TM9SF4: variants seen among roughly 807,000 people sequenced by gnomAD.
TM9SF4 encodes dinucleotide oxidase disulfide thiol exchanger 3 superfamily member 4.
Under a neutral mutation model 90.4 loss-of-function variants are expected in TM9SF4, and 26 were observed. That is an observed-to-expected ratio of 0.29 (90% confidence interval 0.21 to 0.40). TM9SF4 has a LOEUF of 0.40. Ranked by LOEUF, TM9SF4 falls within the 10% of genes least tolerant of loss-of-function variation. The pLI is 1.00. For missense variants in TM9SF4, 549 were observed against 834.8 expected (o/e 0.66, Z 4.22); for synonymous variants, 293 against 315.4 (o/e 0.93, Z 0.75).
intron 1 of TM9SF4, among the ~76,000 whole-genome samples, chr20:32,126,846 C>T (rs1423683305): frequency 6.6e-6 from 1 of 152,050 alleles, no homozygotes; most frequent in African/African-American, 2.4e-5. Context: ...AGCAATTCTC[C>T]TGCCTCAGCC....
At chr20:32,157,764 C>T (rs746848041) in intron 13 of TM9SF4, 30 bp from the exon 14 acceptor site, 321 of 1,611,142 alleles carry the variant, frequency 2.0e-4, no homozygotes, top group Non-Finnish European at 2.6e-4. Context: ...ATCAGGGCCT[C>T]GTGGGGGCCT....
intron 1 of TM9SF4, among the ~76,000 whole-genome samples, chr20:32,129,728 G>A (rs2046483509): frequency 6.6e-6 from 1 of 151,854 alleles, no homozygotes; most frequent in Non-Finnish European, 1.5e-5. Context: ...GGGATTACAG[G>A]CATCTGCCAC....
intron 3 of TM9SF4, among the ~76,000 whole-genome samples, chr20:32,136,470 T>G (rs891418839): frequency 6.6e-6 from 1 of 152,186 alleles, no homozygotes; most frequent in African/African-American, 2.4e-5. Flanking sequence ...TCTTCAGACT[T>G]GGAGCACTTG....
chr20:32,157,937 C>T lies in TM9SF4; in HGVS notation c.1473C>T (p.Pro491=), dbSNP rs199876422. The T allele has an allele frequency of 7.5e-5, 121 of 1,613,982 alleles. No homozygotes were observed. In the South Asian group the frequency reaches 1.1e-3, roughly 15 times the overall value. The change falls in exon 14 of 18, where the codon CCC becomes CCT. Residue 491 remains proline (P), a synonymous_variant. Transcript: ENST00000398022. ...CCAACCAGATTCCCCGGCAGATCCC[C>T]GAGCAGCGGTGGTACATGAACCGAT... ...VRTNQIPRQI[P]EQRWYMNRFV...
At chr20:32,146,737 T>C in intron 8 of TM9SF4, 48 bp from the exon 9 acceptor site, 1 of 1,589,908 alleles carries the variant, frequency 6.3e-7, no homozygotes, top group African/African-American at 1.3e-5. Flanking sequence ...GAGCATGGGC[T>C]TGCTGGCAGC....
intron 1 of TM9SF4, chr20:32,110,127 A>C: frequency 2.9e-6 from 3 of 1,049,654 alleles, no homozygotes; most frequent in Non-Finnish European, 3.6e-6. Context: ...CCTCCCCGTC[A>C]CGTCCAGACC....
At chr20:32,122,921 C>T (rs1223024695) in intron 1 of TM9SF4, among the ~76,000 whole-genome samples, 3 of 151,888 alleles carry the variant, frequency 2.0e-5, no homozygotes, top group Non-Finnish European at 4.4e-5. Context: ...AATCCCGGCA[C>T]CTCGGGAGGC....
intron 1 of TM9SF4, among the ~76,000 whole-genome samples, chr20:32,115,753 T>G (rs1490879066): frequency 6.6e-6 from 1 of 151,712 alleles, no homozygotes; most frequent in Non-Finnish European, 1.5e-5. Context: ...TAAGCCTCAA[T>G]TACCTTATAT....
intron 1 of TM9SF4, among the ~76,000 whole-genome samples, chr20:32,110,847 C>T (rs1279775927): frequency 2.6e-5 from 4 of 152,174 alleles, no homozygotes; most frequent in Admixed American, 6.5e-5. Context: ...AGTTCAAATT[C>T]TGCTTGTCAA....
intron 13 of TM9SF4, among the ~76,000 whole-genome samples, chr20:32,156,539 C>A (rs2046923592): frequency 6.6e-6 from 1 of 152,210 alleles, no homozygotes; most frequent in African/African-American, 2.4e-5. Context: ...CTTAAAATAC[C>A]TAATACAATG....
chr20:32,131,544 G>A (rs956288498), intron 1 of TM9SF4, among the ~76,000 whole-genome samples: 5 of 151,892 alleles, frequency 3.3e-5, no homozygotes, highest in African/African-American at 9.7e-5. Flanking sequence ...TGGATGGGGT[G>A]TAACTTGATG....
Position 32,109,717 on chromosome 20 carries a change from A to T in TM9SF4, c.-24A>T, listed in dbSNP as rs373399551. On this transcript the variant is annotated 5_prime_UTR_variant, in exon 1 of 18. Coordinates refer to ENST00000398022, the MANE Select transcript of TM9SF4 (RefSeq NM_014742.4). ...AGGGAGCACCACTTCCGCTGACGTC[A>T]TTACGGCGACACGTGGATCCAAGAT... 6.4e-7 allele frequency: 1 copy of T among 1,551,640 alleles called. No individual in the cohort carries two copies. Among genetic ancestry groups the T allele is most frequent in the Non-Finnish European group, 8.7e-7 (1 of 1,146,990 alleles).
intron 1 of TM9SF4, among the ~76,000 whole-genome samples, chr20:32,114,961 T>C (rs144987347): frequency 9.8e-5 from 15 of 152,378 alleles, no homozygotes; most frequent in African/African-American, 3.6e-4. Context: ...TTGAAAATTT[T>C]GTAGTTTGGA....
At chr20:32,140,464 C>T (rs181403189) in intron 3 of TM9SF4, among the ~76,000 whole-genome samples, 26 of 152,330 alleles carry the variant, frequency 1.7e-4, no homozygotes, top group Admixed American at 1.2e-3. Flanking sequence ...CAGTAACGAG[C>T]TCATAGTCAG....
chr20:32,159,966 G>A (rs1230728543), intron 15 of TM9SF4, 26 bp from the exon 16 acceptor site: 6 of 1,613,978 alleles, frequency 3.7e-6, no homozygotes, highest in Non-Finnish European at 5.1e-6. Context: ...GGTCAAGCCA[G>A]CTGAAGCCCC....
chr20:32,141,991 A>C lies in TM9SF4; in HGVS notation c.528+96A>C, dbSNP rs1033135223. Reference sequence around the variant, plus strand: ...GAAAAGGTGGGGCTCGGCCACAGCAAGTTTCTCCAGGTGCCCTGGGCATGA... The same window carrying C: ...GAAAAGGTGGGGCTCGGCCACAGCACGTTTCTCCAGGTGCCCTGGGCATGA... On this transcript the variant is annotated intron_variant, in intron 5 of 17. Coordinates refer to ENST00000398022, the MANE Select transcript of TM9SF4 (RefSeq NM_014742.4). 3.2e-6 allele frequency: 5 copies of C among 1,565,168 alleles called. No individual in the cohort carries two copies. In the Admixed American group the frequency reaches 5.4e-5, roughly 17 times the overall value.
In TM9SF4 at chr20:32,141,532, C is replaced by G. The variant is rs752949874; in HGVS notation, c.265C>G (p.Pro89Ala). The G allele has an allele frequency of 6.2e-7, 1 of 1,614,054 alleles. No homozygotes were observed. Among genetic ancestry groups the G allele is most frequent in the Non-Finnish European group, 8.5e-7 (1 of 1,180,014 alleles). ...GAGAGGGGACCGGATTGTCAACACCCCTTTCCAGGTTCTCATGAACAGCGA... is the reference window on the plus strand; with the variant it reads ...GAGAGGGGACCGGATTGTCAACACCGCTTTCCAGGTTCTCATGAACAGCGA... ...VLRGDRIVNTPFQVLMNSEKK... is the reference protein window; with the variant it reads ...VLRGDRIVNTAFQVLMNSEKK... The change falls in exon 4 of 18, where the codon CCT becomes GCT. Residue 89 changes from proline (P) to alanine (A), a missense_variant. This residue lies in a region of TM9SF4 where 495 missense variants were observed against 711.7 expected (regional missense o/e 0.70). Coordinates refer to ENST00000398022, the MANE Select transcript of TM9SF4 (RefSeq NM_014742.4).
intron 17 of TM9SF4, among the ~76,000 whole-genome samples, chr20:32,163,791 A>T (rs2047062175): frequency 6.6e-6 from 1 of 151,516 alleles, no homozygotes; most frequent in Admixed American, 6.6e-5. Flanking sequence ...TTGTGTTTTT[A>T]GCAGAGACAG....
At chr20:32,159,720 T>G in intron 15 of TM9SF4, 2 of 471,122 alleles carry the variant, frequency 4.2e-6, no homozygotes, top group Non-Finnish European at 7.6e-6. Context: ...TGCTCTATAA[T>G]TTTGATTTGG....
Sources: allele counts gnomAD v4.1 joint callset (sites outside exome capture counted in the v4.1 genomes callset), GRCh38; gene constraint gnomAD v4.1.1; regional missense constraint gnomAD v4.1.1; transcripts MANE v1.5; gene names NCBI Gene and HGNC (gene_info 2026-07-23, HGNC 2026-07-21).